Variants in CELF2 observed in about 807,000 individuals in gnomAD.
CELF2 encodes CUG triplet repeat RNA-binding protein 2.
A neutral mutation model predicts 62.6 loss-of-function variants in CELF2; 8 were observed. The ratio of observed to expected loss-of-function variants is 0.13; its 90% CI spans 0.07 to 0.23. The LOEUF (loss-of-function observed/expected upper bound fraction) is 0.23. CELF2 is among the 10% of genes least tolerant of loss of function. The probability of loss-of-function intolerance (pLI) is 1.00; values close to 1 mark genes in which losing one functional copy is unlikely to be tolerated. For missense variants in CELF2, 333 were observed against 671.0 expected (o/e 0.50, Z 5.56); for synonymous variants, 258 against 250.0 (o/e 1.03, Z -0.30).
intron 1 of CELF2, among the ~76,000 whole-genome samples, chr10:11,041,754 C>G (rs2061885977): frequency 6.6e-6 from 1 of 152,148 alleles, no homozygotes; most frequent in East Asian, 1.9e-4. Context: ...ATCCTTCCAT[C>G]AGGACATAAC....
At chr10:10,775,888 A>C in the CELF2 span, among the ~76,000 whole-genome samples, 2 of 152,192 alleles carry the variant, frequency 1.3e-5, no homozygotes, top group Admixed American at 1.3e-4. Context: ...TTTCATTATA[A>C]CTTAAGCTGG....
chr10:10,503,734 T>C, the CELF2 span, among the ~76,000 whole-genome samples: 1 of 151,970 alleles, frequency 6.6e-6, no homozygotes, highest in African/African-American at 2.4e-5. Flanking sequence ...TTTAATGTAA[T>C]TACTAATTTG....
chr10:10,924,778 C>T (rs1434703586), intron 2 of CELF2, among the ~76,000 whole-genome samples: 1 of 110,160 alleles, frequency 9.1e-6, no homozygotes. Context: ...ATAATTCAAT[C>T]TAAGCAATTG....
intron 1 of CELF2, among the ~76,000 whole-genome samples, chr10:10,911,052 A>T (rs1044975468): frequency 6.6e-6 from 1 of 152,240 alleles, no homozygotes; most frequent in Non-Finnish European, 1.5e-5. Context: ...GAACATCCTC[A>T]TAATGCCACT....
At chr10:10,463,738 A>G in the CELF2 span, among the ~76,000 whole-genome samples, 2 of 152,160 alleles carry the variant, frequency 1.3e-5, no homozygotes, top group African/African-American at 4.8e-5. Flanking sequence ...GAAACTTAGG[A>G]ACTACAATTT....
chr10:11,043,449 T>A (rs1188770126), intron 1 of CELF2, among the ~76,000 whole-genome samples: 1 of 152,192 alleles, frequency 6.6e-6, no homozygotes. Flanking sequence ...TCTGATGCAG[T>A]CCAGTTGTGT....
At chr10:11,042,065 T>C (rs2061942189) in intron 1 of CELF2, among the ~76,000 whole-genome samples, 1 of 152,346 alleles carries the variant, frequency 6.6e-6, no homozygotes, top group East Asian at 1.9e-4. Context: ...GATTTTTGCA[T>C]GATCAAAATT....
intron 4 of CELF2, among the ~76,000 whole-genome samples, chr10:11,250,887 G>C (rs1436552109): frequency 6.6e-6 from 1 of 152,192 alleles, no homozygotes; most frequent in African/African-American, 2.4e-5. Flanking sequence ...GCCTCTGCAG[G>C]CTCTCCATGG....
At chr10:10,738,121 G>A in the CELF2 span, among the ~76,000 whole-genome samples, 1 of 152,130 alleles carries the variant, frequency 6.6e-6, no homozygotes, top group African/African-American at 2.4e-5. Flanking sequence ...CCTGCTTTAT[G>A]TATATTTTGA....
chr10:10,735,294 AG>A, the CELF2 span, among the ~76,000 whole-genome samples: 3 of 152,220 alleles, frequency 2.0e-5, no homozygotes, highest in East Asian at 5.8e-4. Flanking sequence ...TCAACTTTTA[AG>A]AAGTTAAATT....
chr10:10,680,889 G>T, the CELF2 span, among the ~76,000 whole-genome samples: 3 of 152,108 alleles, frequency 2.0e-5, no homozygotes, highest in Middle Eastern at 3.4e-3. Flanking sequence ...AATATAGTTT[G>T]GTTGTGTCCA....
At chr10:11,004,536 G>A (rs941186773), upstream of CELF2, among the ~76,000 whole-genome samples, 14 of 152,002 alleles carry the variant, frequency 9.2e-5, no homozygotes, top group African/African-American at 1.9e-4. This position sits in a 1 kb window ranked among gnomAD's most constrained non-coding sequence, Gnocchi z 5.0. Context: ...CTGTACATGC[G>A]AAGCCTGGTA....
chr10:10,543,434 T>C, the CELF2 span, among the ~76,000 whole-genome samples: 3 of 152,214 alleles, frequency 2.0e-5, no homozygotes, highest in African/African-American at 7.2e-5. Flanking sequence ...CAGAGGCCTG[T>C]CAACTTTAAT....
intron 3 of CELF2, among the ~76,000 whole-genome samples, chr10:11,234,596 G>A (rs563876124): frequency 1.5e-5 from 1 of 65,708 alleles, no homozygotes; most frequent in Non-Finnish European, 5.1e-5. Context: ...GCAGGAGAAT[G>A]GCGTGAACCC....
the CELF2 span, among the ~76,000 whole-genome samples, chr10:10,545,250 C>T: frequency 2.0e-5 from 3 of 152,138 alleles, no homozygotes; most frequent in Non-Finnish European, 4.4e-5. Context: ...TATGGGGATG[C>T]GTAGAGGCAG....
In CELF2 at chr10:11,311,362, A is replaced by G. The variant is rs2094551397; in HGVS notation, c.977-2777A>G. ...CACCTTGTAGAATCAAATGTAAGTC[A>G]TCTTGAAAGAACCCATCTTCAACCC... On this transcript the variant is annotated intron_variant, in intron 9 of 12. Coordinates refer to ENST00000633077, the MANE Select transcript of CELF2 (RefSeq NM_001326342.2). The surrounding 1 kb of genome is among the most constrained non-coding windows in gnomAD (Gnocchi z 4.7). Among the ~76,000 whole-genome samples the G allele has an allele frequency of 6.6e-6, 1 of 152,236 alleles. No individual in the cohort carries two copies. The highest frequency in any genetic ancestry group is 2.4e-5 in the African/African-American group (1 of 41,458).
intron 2 of CELF2, among the ~76,000 whole-genome samples, chr10:11,184,309 C>T (rs1234015263): frequency 6.6e-6 from 1 of 152,222 alleles, no homozygotes; most frequent in Non-Finnish European, 1.5e-5. Flanking sequence ...AACTTTATCA[C>T]GAGTCTTGAA....
At chr10:10,612,374 A>C in the CELF2 span, among the ~76,000 whole-genome samples, 3 of 152,248 alleles carry the variant, frequency 2.0e-5, no homozygotes, top group African/African-American at 7.2e-5. Context: ...ACACAAATAA[A>C]TCTCAGATCT....
Position 10,990,284 on chromosome 10 carries a change from A to C in CELF2, c.89+70285A>C, listed in dbSNP as rs1285270904. Among the ~76,000 whole-genome samples the C allele has an allele frequency of 6.6e-6, 1 of 152,116 alleles. No individual in the cohort carries two copies. The highest frequency in any genetic ancestry group is 1.5e-5 in the Non-Finnish European group (1 of 67,984). On this transcript the variant is annotated intron_variant, in intron 2 of 13. Transcript: ENST00000636488. The surrounding 1 kb of genome is among the most constrained non-coding windows in gnomAD (Gnocchi z 4.6). ...AAATATATCATGTTGTATAAAAAGGATTAAAAATTCTGATCAATACAACCA... is the reference window on the plus strand; with the variant it reads ...AAATATATCATGTTGTATAAAAAGGCTTAAAAATTCTGATCAATACAACCA...
Sources: gnomAD v4.1 joint callset for allele counts (sites outside exome capture counted in the v4.1 genomes callset) on GRCh38, gnomAD v4.1.1 for gene constraint, Gnocchi (gnomAD v3.1) non-coding constraint, MANE v1.5 for transcripts, NCBI Gene and HGNC (gene_info 2026-07-23, HGNC 2026-07-21) for gene names.